The following RARB variants were observed in gnomAD, a reference collection of about 807,000 sequenced individuals.
RARB encodes the protein HBV-activated protein.
RARB carries 17 observed loss-of-function variants against 51.9 expected under a neutral mutation model. The ratio of observed to expected loss-of-function variants is 0.33; its 90% CI spans 0.22 to 0.49. RARB has a LOEUF of 0.49. Among genes scored for constraint, RARB ranks in the 20% least tolerant of loss-of-function variants. RARB has a pLI of 0.99. For synonymous variants in RARB, 215 were observed against 195.4 expected, an observed-to-expected ratio of 1.10 and a Z score of -0.84; for missense variants, 369 against 550.8, an observed-to-expected ratio of 0.67 and a Z score of 3.30.
At chr3:25,104,874 A>G (rs1313993885) in intron 3 of RARB, among the ~76,000 whole-genome samples, 1 of 151,990 alleles carries the variant, frequency 6.6e-6, no homozygotes, top group African/African-American at 2.4e-5. Flanking sequence ...ACACATATGC[A>G]AAACTAATCT....
intron 2 of RARB, among the ~76,000 whole-genome samples, chr3:25,048,638 T>G (rs151223752): frequency 6.6e-6 from 1 of 152,294 alleles, no homozygotes; most frequent in African/African-American, 2.4e-5. Context: ...CCAAAAGCAC[T>G]TAATTTCAGA....
chr3:25,355,888 T>TA (rs1705718049), intron 5 of RARB, among the ~76,000 whole-genome samples: 2 of 152,178 alleles, frequency 1.3e-5, no homozygotes, highest in African/African-American at 4.8e-5. Context: ...CTTATTTTTT[T>TA]ATGGGATGCG....
At chr3:25,364,358 C>T (rs1029218419) in intron 5 of RARB, among the ~76,000 whole-genome samples, 1 of 152,170 alleles carries the variant, frequency 6.6e-6, no homozygotes, top group South Asian at 2.1e-4. Flanking sequence ...TTTTAAACAA[C>T]ACTGGCTCAC....
In RARB at chr3:25,276,903, A is replaced by G. The variant is rs1409724469; in HGVS notation, c.178+102328A>G. Among the ~76,000 whole-genome samples the G allele has an allele frequency of 2.0e-5, 3 of 152,244 alleles. No individual in the cohort carries two copies. In the East Asian group the frequency reaches 5.8e-4, roughly 29 times the overall value. On this transcript the variant is annotated intron_variant, in intron 5 of 11. Transcript: ENST00000383772. ...ATCTGTATAACAGCTCATAAAATTTAAACTTAAATTCTAGATCTAGGACTG... is the reference window on the plus strand; with the variant it reads ...ATCTGTATAACAGCTCATAAAATTTGAACTTAAATTCTAGATCTAGGACTG...
intron 5 of RARB, among the ~76,000 whole-genome samples, chr3:25,210,098 G>A (rs568922692): frequency 5.9e-5 from 9 of 152,204 alleles, no homozygotes; most frequent in Non-Finnish European, 1.3e-4. Flanking sequence ...TTTCAGAATA[G>A]GCTCTATTGC....
chr3:25,066,306 C>G (rs1166111308), intron 3 of RARB, among the ~76,000 whole-genome samples: 1 of 152,134 alleles, frequency 6.6e-6, no homozygotes, highest in Admixed American at 6.5e-5. Context: ...ATGTCTGGTA[C>G]TCATCAGGAA....
At chr3:25,345,164 A>T (rs1705351273) in intron 5 of RARB, among the ~76,000 whole-genome samples, 1 of 152,122 alleles carries the variant, frequency 6.6e-6, no homozygotes, top group South Asian at 2.1e-4. Flanking sequence ...AGTGTTCTCA[A>T]CCCAAACTCA....
At chr3:24,981,854 C>T (rs542488866) in intron 2 of RARB, among the ~76,000 whole-genome samples, 46 of 152,260 alleles carry the variant, frequency 3.0e-4, no homozygotes, top group African/African-American at 1.1e-3. Context: ...CAGAAATCAC[C>T]CATCCTCTGC....
intron 1 of RARB, among the ~76,000 whole-genome samples, chr3:24,830,699 A>G (rs893833395): frequency 1.3e-5 from 2 of 151,626 alleles, no homozygotes; most frequent in African/African-American, 4.8e-5. Context: ...CCGTCTGTCT[A>G]TCTGGAGGGG....
At chr3:25,004,664 G>T (rs1329282297) in intron 2 of RARB, among the ~76,000 whole-genome samples, 1 of 151,994 alleles carries the variant, frequency 6.6e-6, no homozygotes, top group African/African-American at 2.4e-5. Context: ...TTATGATATT[G>T]TCACTTCTGC....
intron 3 of RARB, among the ~76,000 whole-genome samples, chr3:25,531,072 T>C (rs1428811008): frequency 6.6e-6 from 1 of 152,204 alleles, no homozygotes; most frequent in Non-Finnish European, 1.5e-5. Flanking sequence ...GAAGTAAAGA[T>C]AGCCAATGAA....
intron 5 of RARB, among the ~76,000 whole-genome samples, chr3:25,308,633 G>T (rs1046423818): frequency 1.3e-5 from 2 of 151,816 alleles, no homozygotes; most frequent in South Asian, 2.1e-4. Context: ...ATTTTTAGTA[G>T]GACAGGGTTT....
chr3:24,984,772 G>A (rs1196408432), intron 2 of RARB, among the ~76,000 whole-genome samples: 1 of 152,024 alleles, frequency 6.6e-6, no homozygotes, highest in Non-Finnish European at 1.5e-5. Flanking sequence ...TGCTGTGTTG[G>A]GGAAACAGGT....
chr3:25,035,555 C>T lies in RARB; in HGVS notation c.-379-24570C>T, dbSNP rs139976231. ...AAGTGATGCAGCCAACATTCAGGTA[C>T]AGAAAAATAGAATCTCTTAGAACTT... On this transcript the variant is annotated intron_variant, in intron 2 of 11. Transcript: ENST00000383772. 3.6e-3 allele frequency among the ~76,000 whole-genome samples: 544 copies of T among 149,046 alleles called. 12 individuals carry two copies. In the East Asian group the frequency reaches 0.053, roughly 14 times the overall value.
chr3:25,453,220 T>A (rs762121380), intron 1 of RARB, among the ~76,000 whole-genome samples: 27 of 151,532 alleles, frequency 1.8e-4, no homozygotes, highest in Middle Eastern at 6.9e-3. Flanking sequence ...ATTCTGCATT[T>A]CTGGGGTGGG....
chr3:24,892,065 G>C (rs1703391602), intron 2 of RARB, among the ~76,000 whole-genome samples: 3 of 152,078 alleles, frequency 2.0e-5, no homozygotes, highest in Admixed American at 6.5e-5. Context: ...CCTATGGGGA[G>C]ACAGATGATG....
intron 2 of RARB, among the ~76,000 whole-genome samples, chr3:24,893,875 T>C (rs1703432785): frequency 1.3e-5 from 2 of 152,148 alleles, no homozygotes; most frequent in Non-Finnish European, 2.9e-5. Flanking sequence ...GGAGGAATGT[T>C]TGTAACACTT....
chr3:25,473,617 C>A (rs1695809021), intron 2 of RARB, among the ~76,000 whole-genome samples: 1 of 152,124 alleles, frequency 6.6e-6, no homozygotes. Flanking sequence ...AGCTTGTCAC[C>A]AAACTTGTCA....
intron 2 of RARB, among the ~76,000 whole-genome samples, chr3:25,497,446 C>G (rs772707841): frequency 2.7e-4 from 41 of 152,176 alleles, no homozygotes; most frequent in Non-Finnish European, 5.1e-4. Context: ...AAAATACCAC[C>G]TCTTCTTTCG....
Sources: gnomAD v4.1 joint callset for allele counts (sites outside exome capture counted in the v4.1 genomes callset) on GRCh38, gnomAD v4.1.1 for gene constraint, MANE v1.5 for transcripts, NCBI Gene and HGNC (gene_info 2026-07-23, HGNC 2026-07-21) for gene names.